The following MAGI1 variants were observed in gnomAD, a reference collection of about 807,000 sequenced individuals.
MAGI1 encodes the protein membrane-associated guanylate kinase, WW and PDZ domain-containing protein 1.
In MAGI1, 58 loss-of-function variants were observed where a neutral mutation model predicts 139.9. The ratio of observed to expected loss-of-function variants is 0.41; its 90% confidence interval spans 0.34 to 0.52. The LOEUF (loss-of-function observed/expected upper bound fraction) is 0.52. Among genes scored for constraint, MAGI1 ranks in the 20% least tolerant of loss-of-function variants. The pLI, the probability that MAGI1 is intolerant of heterozygous loss-of-function variation, is 0.12. For missense variants in MAGI1, 1,874 were observed against 1,901.6 expected, an observed-to-expected ratio of 0.99 and a Z score of 0.27; for synonymous variants, 812 against 737.9, an observed-to-expected ratio of 1.10 and a Z score of -1.63.
At chr3:65,941,279 G>A (rs2089230965) in intron 1 of MAGI1, among the ~76,000 whole-genome samples, 1 of 151,940 alleles carries the variant, frequency 6.6e-6, no homozygotes, top group Admixed American at 6.6e-5. Context: ...CCCAGGAGGT[G>A]GAGGTTGCAG....
intron 2 of MAGI1, among the ~76,000 whole-genome samples, chr3:65,555,929 T>C (rs1171172105): frequency 6.6e-6 from 1 of 152,196 alleles, no homozygotes; most frequent in African/African-American, 2.4e-5. Flanking sequence ...ACTTAACATG[T>C]TTCTTGCCTA....
intron 1 of MAGI1, among the ~76,000 whole-genome samples, chr3:65,683,476 T>TA (rs367941270): frequency 1.3e-5 from 2 of 148,844 alleles, no homozygotes; most frequent in Admixed American, 6.7e-5. Flanking sequence ...AAAGCCTTAT[T>TA]AAAAAAAAGA....
chr3:65,772,128 G>A (rs529944358), intron 1 of MAGI1, among the ~76,000 whole-genome samples: 7 of 152,124 alleles, frequency 4.6e-5, no homozygotes, highest in South Asian at 2.1e-4. Flanking sequence ...CCTGGGAGGC[G>A]GAGGTTGCAG....
chr3:65,612,179 G>C (rs1010056581), intron 2 of MAGI1, among the ~76,000 whole-genome samples: 2 of 151,898 alleles, frequency 1.3e-5, no homozygotes, highest in Non-Finnish European at 2.9e-5. Context: ...AACTATAATT[G>C]TTTGATTATT....
intron 1 of MAGI1, among the ~76,000 whole-genome samples, chr3:65,869,023 T>C (rs551791517): frequency 1.1e-4 from 16 of 151,968 alleles, no homozygotes; most frequent in Non-Finnish European, 1.5e-5. Context: ...ATCCCAGCAC[T>C]TTGGGAGGCC....
intron 2 of MAGI1, among the ~76,000 whole-genome samples, chr3:65,540,375 T>A (rs954089036): frequency 1.3e-5 from 2 of 152,140 alleles, no homozygotes. Flanking sequence ...ATTTTGGGTG[T>A]TTTTTTCTAT....
Position 65,605,478 on chromosome 3 carries a change from C to T in MAGI1, c.430+16494G>A, listed in dbSNP as rs529309628. 2.7e-4 allele frequency among the ~76,000 whole-genome samples: 41 copies of T among 152,236 alleles called. No homozygotes were observed. The Middle Eastern group carries it at 0.01, about 38-fold the overall frequency. On this transcript the variant is annotated intron_variant, in intron 2 of 22. Coordinates refer to ENST00000402939, the MANE Select transcript of MAGI1 (RefSeq NM_001033057.2). Reference sequence around the variant, plus strand: ...GGAGTATGATATGAAAGTAATTGTGCTTCCTGTAGGCCATGCACAACTGTA... The same window carrying T: ...GGAGTATGATATGAAAGTAATTGTGTTTCCTGTAGGCCATGCACAACTGTA...
chr3:65,628,590 G>A (rs76706730), intron 1 of MAGI1, among the ~76,000 whole-genome samples: 7,881 of 151,688 alleles, frequency 0.052, 417 homozygotes, highest in African/African-American at 0.13. Context: ...GACTCTCGGG[G>A]AAAAAAAGCA....
At chr3:65,924,370 A>G (rs1477037256) in intron 1 of MAGI1, among the ~76,000 whole-genome samples, 1 of 152,228 alleles carries the variant, frequency 6.6e-6, no homozygotes, top group South Asian at 2.1e-4. Context: ...CTCCCTCCCC[A>G]GAACACTGTA....
chr3:65,363,720 G>A, intron 20 of MAGI1, 112 bp from the exon 21 acceptor site: 2 of 820,038 alleles, frequency 2.4e-6, no homozygotes, highest in South Asian at 1.9e-5. Flanking sequence ...GGTGACTCTT[G>A]TTTATTAATA....
At chr3:65,686,503 G>C (rs1349045026) in intron 1 of MAGI1, among the ~76,000 whole-genome samples, 1 of 152,148 alleles carries the variant, frequency 6.6e-6, no homozygotes, top group Non-Finnish European at 1.5e-5. Context: ...GTGTTAGCCA[G>C]GATGGTCTCG....
chr3:65,916,597 T>C (rs1311533367), intron 1 of MAGI1, among the ~76,000 whole-genome samples: 1 of 152,124 alleles, frequency 6.6e-6, no homozygotes, highest in Non-Finnish European at 1.5e-5. Flanking sequence ...CATGATTCAA[T>C]TATCTCCCAC....
chr3:65,540,522 G>A (rs937732779), intron 2 of MAGI1, among the ~76,000 whole-genome samples: 1 of 152,044 alleles, frequency 6.6e-6, no homozygotes, highest in Non-Finnish European at 1.5e-5. Flanking sequence ...AATATAGGGG[G>A]CTATCAATTT....
At chr3:65,896,289 A>G (rs981993994) in intron 1 of MAGI1, among the ~76,000 whole-genome samples, 9 of 149,632 alleles carry the variant, frequency 6.0e-5, no homozygotes, top group Non-Finnish European at 1.3e-4. Context: ...CACTAACAGC[A>G]GTAATCACGA....
intron 1 of MAGI1, among the ~76,000 whole-genome samples, chr3:65,675,046 A>G (rs1227814139): frequency 6.6e-6 from 1 of 152,104 alleles, no homozygotes; most frequent in Admixed American, 6.6e-5. Context: ...ATCTCGTAAG[A>G]TAAAGGAATC....
intron 2 of MAGI1, chr3:65,549,463 G>C: frequency 2.0e-6 from 2 of 985,072 alleles, no homozygotes; most frequent in Non-Finnish European, 2.4e-6. Flanking sequence ...GAGCCCAGGC[G>C]CGCGCTCGGT....
intron 2 of MAGI1, among the ~76,000 whole-genome samples, chr3:65,550,341 G>C (rs762668405): frequency 6.6e-6 from 1 of 152,146 alleles, no homozygotes; most frequent in Non-Finnish European, 1.5e-5. Context: ...CAAGTTCAAA[G>C]TCCTGGATCT....
chr3:65,368,941 C>A (rs549750477), intron 18 of MAGI1, among the ~76,000 whole-genome samples: 38 of 152,168 alleles, frequency 2.5e-4, no homozygotes, highest in Non-Finnish European at 4.6e-4. Flanking sequence ...GAGCTTCTGT[C>A]CTTGTCTGAT....
chr3:65,771,996 T>C (rs1577065113), intron 1 of MAGI1, among the ~76,000 whole-genome samples: 1 of 151,012 alleles, frequency 6.6e-6, no homozygotes, highest in East Asian at 2.0e-4. Flanking sequence ...AGGTCAGGAG[T>C]TCAAGACAAG....
Sources: allele counts gnomAD v4.1 joint callset (sites outside exome capture counted in the v4.1 genomes callset), GRCh38; gene constraint gnomAD v4.1.1; transcripts MANE v1.5; gene names NCBI Gene and HGNC (gene_info 2026-07-23, HGNC 2026-07-21).